The following CALCR variants were observed in gnomAD, a reference collection of about 807,000 sequenced individuals.
The protein encoded by CALCR is calcitonin receptor.
Under a neutral mutation model 59.5 loss-of-function variants are expected in CALCR, and 47 were observed. That is an observed-to-expected ratio of 0.79 (90% CI 0.63 to 1.01). The LOEUF is 1.01. Among genes scored for constraint, CALCR ranks in the 50% least tolerant of loss-of-function variants. The pLI, the probability that CALCR is intolerant of heterozygous loss-of-function variation, is 0.00. For synonymous variants in CALCR, 213 were observed against 211.3 expected (o/e 1.01, Z -0.07); for missense variants, 566 against 597.1 (o/e 0.95, Z 0.54).
intron 2 of CALCR, among the ~76,000 whole-genome samples, chr7:93,539,003 C>T (rs1194584274): frequency 2.6e-5 from 4 of 152,090 alleles, no homozygotes; most frequent in African/African-American, 9.7e-5. Flanking sequence ...CTCTATTCTT[C>T]TTCCAGATTT....
At chr7:93,473,580 G>GCC (rs368362442) in intron 5 of CALCR, among the ~76,000 whole-genome samples, 2 of 139,712 alleles carry the variant, frequency 1.4e-5, no homozygotes, top group Non-Finnish European at 3.1e-5. Flanking sequence ...CACTGGTTTG[G>GCC]CCCCCCCCCC....
At chr7:93,534,080 T>C (rs1788921214) in intron 2 of CALCR, among the ~76,000 whole-genome samples, 2 of 151,776 alleles carry the variant, frequency 1.3e-5, no homozygotes, top group Non-Finnish European at 1.5e-5. Flanking sequence ...AGTAGAAACA[T>C]GACTATAAAG....
chr7:93,439,906 C>T (rs551784967), intron 9 of CALCR, among the ~76,000 whole-genome samples: 28 of 152,180 alleles, frequency 1.8e-4, no homozygotes, highest in South Asian at 6.2e-4. Context: ...GGAGAGAAAT[C>T]GACTACTAAG....
intron 2 of CALCR, among the ~76,000 whole-genome samples, chr7:93,501,067 A>T (rs554825273): frequency 6.6e-6 from 1 of 151,976 alleles, no homozygotes; most frequent in Non-Finnish European, 1.5e-5. Context: ...AAACAGAGCA[A>T]TTAAGTGAGA....
rs117385461 is a variant in CALCR, at chr7:93,453,901, T to C, written c.648+6920A>G. Among the ~76,000 whole-genome samples the C allele has an allele frequency of 3.9e-4, 59 of 152,194 alleles. No individual in the cohort carries two copies. In the East Asian group the frequency reaches 8.7e-3, roughly 22 times the overall value. ...GTGACCTTGGTTAAAAGACCATTTA[T>C]TGGTTTTGACATATAAGTAAACTGA... On this transcript the variant is annotated intron_variant, in intron 8 of 13. Coordinates refer to ENST00000426151, the MANE Select transcript of CALCR (RefSeq NM_001742.4).
At chr7:93,531,374 T>C (rs1254849988) in intron 2 of CALCR, among the ~76,000 whole-genome samples, 1 of 152,064 alleles carries the variant, frequency 6.6e-6, no homozygotes, top group Non-Finnish European at 1.5e-5. Context: ...GGATTTGAGA[T>C]ACTAAATTAC....
In CALCR at chr7:93,425,285, T is replaced by C. The variant is rs1392896914; in HGVS notation, c.*1071A>G. On this transcript the variant is annotated 3_prime_UTR_variant, in exon 14 of 14. Transcript: ENST00000426151. ...CAAGAAACAAGCGGTCAACCACAAG[T>C]TGATTTCTAATTAGCCCTCCTGGAT... 2.6e-5 allele frequency: 4 copies of C among 152,590 alleles called. No individual in the cohort carries two copies. Among genetic ancestry groups the C allele is most frequent in the South Asian group, 2.1e-4 (1 of 4,828 alleles). The allele number at this position is 152,590 out of a possible 1,614,324, so 9.5% of individuals were successfully genotyped here.
intron 2 of CALCR, among the ~76,000 whole-genome samples, chr7:93,497,127 C>T (rs989920543): frequency 6.6e-6 from 1 of 151,534 alleles, no homozygotes; most frequent in African/African-American, 2.4e-5. Flanking sequence ...CATTGGAGAG[C>T]TGTTCTGGGT....
chr7:93,530,914 A>C (rs1788817398), intron 2 of CALCR, among the ~76,000 whole-genome samples: 1 of 152,058 alleles, frequency 6.6e-6, no homozygotes, highest in African/African-American at 2.4e-5. Flanking sequence ...AGAAATGCAA[A>C]TTCTCTGGCA....
chr7:93,430,042 C>T (rs1347319406), intron 13 of CALCR, among the ~76,000 whole-genome samples: 1 of 151,222 alleles, frequency 6.6e-6, no homozygotes, highest in Non-Finnish European at 1.5e-5. Flanking sequence ...CCCCATTCTT[C>T]TGCCTCAGCC....
Position 93,434,275 on chromosome 7 carries a change from A to G in CALCR, c.1169T>C (p.Ile390Thr). The change falls in exon 13 of 14, where the codon ATC becomes ACC. Residue 390 changes from isoleucine to threonine, a missense_variant. Physicochemically the swap from Ile to Thr is moderately conservative, Grantham distance 89. Coordinates refer to ENST00000426151, the MANE Select transcript of CALCR (RefSeq NM_001742.4). ...IHFQGFFVAT[I>T]YCFCNNEVQT... ...TACCTCATTGTTGCAGAAGCAGTAG[A>G]TGGTCGCAACAAAGAAGCCCTAAAA... 6.2e-7 allele frequency: 1 copy of G among 1,611,030 alleles called. No individual in the cohort carries two copies. The highest frequency in any genetic ancestry group is 8.5e-7 in the Non-Finnish European group (1 of 1,177,286).
intron 13 of CALCR, among the ~76,000 whole-genome samples, chr7:93,433,646 A>T (rs1799705537): frequency 6.6e-6 from 1 of 152,166 alleles, no homozygotes; most frequent in Admixed American, 6.5e-5. Flanking sequence ...CTCCATTTTT[A>T]TGTTTTATAG....
At chr7:93,452,475 T>C (rs576545166) in intron 8 of CALCR, among the ~76,000 whole-genome samples, 1 of 152,088 alleles carries the variant, frequency 6.6e-6, no homozygotes, top group South Asian at 2.1e-4. Context: ...CTGAATGAAG[T>C]AGAAACTTCA....
chr7:93,454,478 A>AT (rs1393387759), intron 8 of CALCR, among the ~76,000 whole-genome samples: 2 of 152,066 alleles, frequency 1.3e-5, no homozygotes, highest in African/African-American at 4.8e-5. Context: ...TCAGAACCAG[A>AT]TAAAAAAAAT....
chr7:93,561,436 T>G (rs954115968), intron 2 of CALCR, among the ~76,000 whole-genome samples: 11 of 152,176 alleles, frequency 7.2e-5, no homozygotes, highest in Non-Finnish European at 5.9e-5. Flanking sequence ...TTTTTGCTTT[T>G]TCAAAAGAGC....
At chr7:93,524,164 ATTTT>A (rs1020792579) in intron 2 of CALCR, among the ~76,000 whole-genome samples, 1 of 144,102 alleles carries the variant, frequency 6.9e-6, no homozygotes, top group Admixed American at 6.9e-5. Context: ...TTTATTTACT[ATTTT>A]TTTTTCTTTT....
intron 2 of CALCR, among the ~76,000 whole-genome samples, chr7:93,508,996 T>C (rs1231263786): frequency 6.6e-6 from 1 of 152,166 alleles, no homozygotes; most frequent in East Asian, 1.9e-4. Flanking sequence ...ACCTAGCTAT[T>C]CTATCTCATC....
intron 8 of CALCR, among the ~76,000 whole-genome samples, chr7:93,452,133 T>C (rs34481358): frequency 0.089 from 13,576 of 151,968 alleles, 827 homozygotes; most frequent in Non-Finnish European, 0.14. Context: ...AAGATGCCCA[T>C]GTAAAAGCCT....
intron 2 of CALCR, among the ~76,000 whole-genome samples, chr7:93,528,679 A>G (rs1291399707): frequency 6.6e-6 from 1 of 152,214 alleles, no homozygotes; most frequent in Admixed American, 6.5e-5. Flanking sequence ...ACTTTGATAG[A>G]TAATTGGCAA....
Sources: allele counts gnomAD v4.1 joint callset (sites outside exome capture counted in the v4.1 genomes callset), GRCh38; gene constraint gnomAD v4.1.1; transcripts MANE v1.5; gene names NCBI Gene and HGNC (gene_info 2026-07-23, HGNC 2026-07-21).